KCNIP4: variants seen among roughly 807,000 people sequenced by gnomAD.
The protein encoded by KCNIP4 is Kv channel-interacting protein 4.
Under a neutral mutation model 34.0 loss-of-function variants are expected in KCNIP4, and 12 were observed. The ratio of observed to expected loss-of-function variants is 0.35; its 90% CI spans 0.23 to 0.57. KCNIP4 has a LOEUF of 0.57. KCNIP4 is among the 20% of genes least tolerant of loss of function. KCNIP4 has a pLI of 0.83. For synonymous variants in KCNIP4, 124 were observed against 102.2 expected (o/e 1.21, Z -1.29); for missense variants, 238 against 311.7 (o/e 0.76, Z 1.78).
intron 1 of KCNIP4, among the ~76,000 whole-genome samples, chr4:20,938,805 G>T (rs73242579): frequency 0.046 from 6,974 of 152,268 alleles, 188 homozygotes; most frequent in Middle Eastern, 0.1. Context: ...ACATGGCTTA[G>T]TCCAGTCCCA....
At chr4:21,695,443 C>G (rs530986231) in intron 1 of KCNIP4, among the ~76,000 whole-genome samples, 1 of 149,346 alleles carries the variant, frequency 6.7e-6, no homozygotes, top group Non-Finnish European at 1.5e-5. Flanking sequence ...TTTTTTTTTC[C>G]TCCTGTGGTT....
At chr4:21,645,679 C>T (rs1002952089) in intron 1 of KCNIP4, among the ~76,000 whole-genome samples, 1 of 152,086 alleles carries the variant, frequency 6.6e-6, no homozygotes, top group African/African-American at 2.4e-5. Flanking sequence ...TGTCCTTGAT[C>T]GCTGAACCAA....
intron 1 of KCNIP4, among the ~76,000 whole-genome samples, chr4:21,568,296 G>A (rs1309657632): frequency 1.3e-5 from 2 of 151,984 alleles, no homozygotes; most frequent in African/African-American, 2.4e-5. Flanking sequence ...GAGTAAAGTG[G>A]GCCCCTAAAC....
chr4:20,828,465 T>A lies in KCNIP4; in HGVS notation c.288+22078A>T, dbSNP rs149742139. ...ACAAAAGCTACGGGAAGTAAAATGTTGTCAGTTTAATTCTATGAGAAGGTC... is the reference window on the plus strand; with the variant it reads ...ACAAAAGCTACGGGAAGTAAAATGTAGTCAGTTTAATTCTATGAGAAGGTC... On this transcript the variant is annotated intron_variant, in intron 3 of 8. Transcript: ENST00000382152. 7.9e-5 allele frequency among the ~76,000 whole-genome samples: 12 copies of A among 152,212 alleles called. No individual in the cohort carries two copies. In the East Asian group the frequency reaches 2.3e-3, roughly 29 times the overall value.
intron 2 of KCNIP4, 91 bp downstream of exon 2, chr4:20,882,517 T>G (rs761418092): frequency 1.2e-4 from 99 of 839,742 alleles, no homozygotes; most frequent in Non-Finnish European, 1.8e-4. Context: ...TAGAATATAC[T>G]GATTCTTTGT....
chr4:20,855,401 C>T lies in KCNIP4; in HGVS notation c.164-4734G>A, dbSNP rs184830953. 6.6e-5 allele frequency among the ~76,000 whole-genome samples: 10 copies of T among 152,240 alleles called. No homozygotes were observed. The East Asian group carries it at 1.9e-3, about 29-fold the overall frequency. On this transcript the variant is annotated intron_variant, in intron 2 of 8. Coordinates refer to ENST00000382152, the MANE Select transcript of KCNIP4 (RefSeq NM_025221.6). ...AGATTGGAGACTCAGAGAGAAGGGTCTAAGGATAACAGTCAGCTCCTCTCA... is the reference window on the plus strand; with the variant it reads ...AGATTGGAGACTCAGAGAGAAGGGTTTAAGGATAACAGTCAGCTCCTCTCA...
chr4:21,778,294 G>T (rs2109206763), intron 1 of KCNIP4, among the ~76,000 whole-genome samples: 1 of 127,518 alleles, frequency 7.8e-6, no homozygotes, highest in Admixed American at 9.1e-5. Context: ...GAGTGCAGTG[G>T]CCCAAACATG....
chr4:21,131,799 T>G (rs1577748427), intron 1 of KCNIP4, among the ~76,000 whole-genome samples: 1 of 152,200 alleles, frequency 6.6e-6, no homozygotes, highest in East Asian at 1.9e-4. Flanking sequence ...GTATATACAT[T>G]GTACTTCCAT....
At chr4:21,535,955 T>G (rs1737130693) in intron 1 of KCNIP4, among the ~76,000 whole-genome samples, 1 of 152,092 alleles carries the variant, frequency 6.6e-6, no homozygotes, top group Admixed American at 6.6e-5. Context: ...TCTCCCTTGG[T>G]ATATCTCACC....
intron 1 of KCNIP4, among the ~76,000 whole-genome samples, chr4:21,819,425 C>T (rs958311623): frequency 1.3e-5 from 2 of 152,188 alleles, no homozygotes; most frequent in Non-Finnish European, 2.9e-5. Flanking sequence ...CTACTCCTTC[C>T]AGTACCTTGT....
intron 1 of KCNIP4, among the ~76,000 whole-genome samples, chr4:21,474,449 G>A (rs1185051387): frequency 6.6e-6 from 1 of 152,116 alleles, no homozygotes; most frequent in Non-Finnish European, 1.5e-5. Flanking sequence ...ATATGCCTCA[G>A]GTTATGATCT....
At chr4:20,958,888 T>C (rs890702088) in intron 1 of KCNIP4, among the ~76,000 whole-genome samples, 1 of 152,204 alleles carries the variant, frequency 6.6e-6, no homozygotes, top group African/African-American at 2.4e-5. Flanking sequence ...AGTAAACTGA[T>C]GGACATACAC....
At chr4:21,080,866 TG>T (rs1345297950) in intron 1 of KCNIP4, among the ~76,000 whole-genome samples, 1 of 151,822 alleles carries the variant, frequency 6.6e-6, no homozygotes, top group Non-Finnish European at 1.5e-5. Context: ...CACTATTCAA[TG>T]GGCAACACTC....
At chr4:20,894,255 C>G (rs1216333441) in intron 1 of KCNIP4, among the ~76,000 whole-genome samples, 1 of 152,070 alleles carries the variant, frequency 6.6e-6, no homozygotes, top group Non-Finnish European at 1.5e-5. Flanking sequence ...TATCGGAAAG[C>G]AAGCGACAGG....
intron 1 of KCNIP4, among the ~76,000 whole-genome samples, chr4:20,979,874 C>A (rs1735900036): frequency 6.6e-6 from 1 of 152,094 alleles, no homozygotes; most frequent in Non-Finnish European, 1.5e-5. Context: ...CTTGTCCAGC[C>A]ACATATTTTA....
intron 1 of KCNIP4, among the ~76,000 whole-genome samples, chr4:21,460,193 C>T (rs538248003): frequency 1.3e-4 from 20 of 150,832 alleles, no homozygotes; most frequent in Admixed American, 1.3e-3. Flanking sequence ...AAGCATCCTG[C>T]GGCCTTGGGG....
intron 3 of KCNIP4, among the ~76,000 whole-genome samples, chr4:20,775,790 T>C (rs1756324294): frequency 6.6e-6 from 1 of 152,176 alleles, no homozygotes; most frequent in African/African-American, 2.4e-5. Flanking sequence ...TAAATCTCTG[T>C]ACTACTGAAA....
chr4:21,725,793 A>T (rs1461097395), intron 1 of KCNIP4, among the ~76,000 whole-genome samples: 1 of 152,088 alleles, frequency 6.6e-6, no homozygotes, highest in Non-Finnish European at 1.5e-5. Flanking sequence ...TGGTGATTTC[A>T]AGTTACAAGA....
At chr4:21,601,453 T>C (rs565631271) in intron 1 of KCNIP4, among the ~76,000 whole-genome samples, 2 of 152,090 alleles carry the variant, frequency 1.3e-5, no homozygotes, top group South Asian at 4.2e-4. Flanking sequence ...CCACTCCAAC[T>C]TAAATCACCA....
Sources: allele counts gnomAD v4.1 joint callset (sites outside exome capture counted in the v4.1 genomes callset), GRCh38; gene constraint gnomAD v4.1.1; transcripts MANE v1.5; gene names NCBI Gene and HGNC (gene_info 2026-07-23, HGNC 2026-07-21).